PLD1: variants seen among roughly 807,000 people sequenced by gnomAD.
The protein encoded by PLD1 is choline phosphatase 1.
Under a neutral mutation model 137.1 loss-of-function variants are expected in PLD1, and 112 were observed. That is an observed-to-expected ratio of 0.82 (90% confidence interval 0.70 to 0.96). The LOEUF (loss-of-function observed/expected upper bound fraction) is 0.96. Ranked by LOEUF, PLD1 falls within the 40% of genes least tolerant of loss-of-function variation. The pLI is 0.00. For synonymous variants in PLD1, 431 were observed against 454.7 expected (o/e 0.95, Z 0.66); for missense variants, 1,321 against 1,342.0 (o/e 0.98, Z 0.24).
At chr3:171,746,632 G>T (rs1461182686) in intron 1 of PLD1, among the ~76,000 whole-genome samples, 2 of 151,674 alleles carry the variant, frequency 1.3e-5, no homozygotes, top group Non-Finnish European at 2.9e-5. Context: ...AATCTAGTGG[G>T]GACTTGGAGA....
chr3:171,621,720 A>C (rs1733648042), intron 23 of PLD1, among the ~76,000 whole-genome samples: 1 of 152,158 alleles, frequency 6.6e-6, no homozygotes, highest in Non-Finnish European at 1.5e-5. Flanking sequence ...GCATTTCTAA[A>C]ACGTTTCATG....
intron 23 of PLD1, among the ~76,000 whole-genome samples, chr3:171,639,864 A>C (rs1435806475): frequency 7.0e-6 from 1 of 142,398 alleles, no homozygotes; most frequent in Non-Finnish European, 1.5e-5. Context: ...ATATATATAT[A>C]TCTCCTATTG....
chr3:171,729,569 A>T (rs2108249782), intron 6 of PLD1, among the ~76,000 whole-genome samples: 1 of 152,332 alleles, frequency 6.6e-6, no homozygotes, highest in Middle Eastern at 3.4e-3. Context: ...AAATTATCAG[A>T]TACAAGGAAG....
At chr3:171,622,572 C>T (rs943069951) in intron 23 of PLD1, among the ~76,000 whole-genome samples, 1 of 151,788 alleles carries the variant, frequency 6.6e-6, no homozygotes, top group African/African-American at 2.4e-5. Flanking sequence ...TCAGTATCCA[C>T]TCCTGATAAA....
At chr3:171,654,108 C>T (rs1295025982) in intron 21 of PLD1, 2 of 362,274 alleles carry the variant, frequency 5.5e-6, no homozygotes, top group Non-Finnish European at 1.1e-5. Context: ...CAAAGCTAGC[C>T]TGGCCGACAT....
Position 171,662,051 on chromosome 3 carries a change from A to C in PLD1, c.2340+9T>G. The C allele has an allele frequency of 6.6e-7, 1 of 1,517,050 alleles. No homozygotes were observed. Among genetic ancestry groups the C allele is most frequent in the Non-Finnish European group, 9.1e-7 (1 of 1,093,742 alleles). 94.0% of individuals were successfully genotyped at this position (1,517,050 alleles called of 1,614,324 possible). ...GTTTCTCACACGAATTTACATGAGC[A>C]AGACTTACTTCGATATAGATATAGT... is the stretch of plus-strand genomic sequence containing the variant. On this transcript the variant is annotated intron_variant, in intron 20 of 26. Transcript: ENST00000351298.
chr3:171,671,927 C>T (rs369261678), intron 19 of PLD1, among the ~76,000 whole-genome samples: 18 of 152,050 alleles, frequency 1.2e-4, no homozygotes, highest in African/African-American at 4.3e-4. Context: ...CCAAAGTTCA[C>T]TAGCACTTCT....
At chr3:171,720,293 CAA>C (rs752618596) in intron 8 of PLD1, among the ~76,000 whole-genome samples, 54 of 67,898 alleles carry the variant, frequency 8.0e-4, no homozygotes, top group African/African-American at 2.3e-3. Flanking sequence ...GACCCTGTCT[CAA>C]AAAAAAAAAA....
intron 8 of PLD1, among the ~76,000 whole-genome samples, chr3:171,715,013 T>C (rs769250337): frequency 6.6e-5 from 10 of 152,228 alleles, no homozygotes; most frequent in Non-Finnish European, 1.0e-4. Flanking sequence ...CAAAACTAAA[T>C]TCCAAACAAA....
chr3:171,639,511 T>TAATATTATTCATATAATATATATTATATA (rs1560169736), intron 23 of PLD1, among the ~76,000 whole-genome samples: 1 of 103,052 alleles, frequency 9.7e-6, no homozygotes, highest in Non-Finnish European at 1.7e-5. Flanking sequence ...ACATAATAAA[T>TAATATTATTCATATAATATATATTATATA]AATATATATT....
In PLD1 at chr3:171,605,357, T is replaced by C; in HGVS notation, c.2942A>G (p.Lys981Arg). ...SEDIQDPVSD[K>R]FFKEVWVSTA... ...TGAAACCCACACCTCCTTGAAGAAT[T>C]TGTCACTCACTGGATCCTGAATGTC... The change falls in exon 26 of 27, where the codon AAA (lysine) becomes AGA (arginine). Residue 981 changes from lysine to arginine, a missense_variant. Transcript: ENST00000351298. 1 of 1,613,956 alleles carries C rather than the reference T, an allele frequency of 6.2e-7. No homozygotes were observed. Among genetic ancestry groups the C allele is most frequent in the South Asian group, 1.1e-5 (1 of 91,076 alleles).
chr3:171,656,175 T>G (rs1424411273), intron 21 of PLD1, among the ~76,000 whole-genome samples: 1 of 151,394 alleles, frequency 6.6e-6, no homozygotes, highest in East Asian at 1.9e-4. Context: ...TTTATTTATT[T>G]ATTTATTTAT....
At chr3:171,691,461 T>C (rs1055130595) in intron 13 of PLD1, among the ~76,000 whole-genome samples, 45 of 152,330 alleles carry the variant, frequency 3.0e-4, no homozygotes, top group African/African-American at 1.1e-3. Context: ...CTCATTTCTT[T>C]TTGTTAAATA....
At chr3:171,638,078 G>A (rs755542246) in intron 23 of PLD1, among the ~76,000 whole-genome samples, 4 of 151,758 alleles carry the variant, frequency 2.6e-5, no homozygotes, top group Non-Finnish European at 5.9e-5. Flanking sequence ...CCAGCTACTC[G>A]GGAGGCTGAG....
At chr3:171,675,058 G>C (rs1270409959) in intron 18 of PLD1, among the ~76,000 whole-genome samples, 1 of 151,448 alleles carries the variant, frequency 6.6e-6, no homozygotes, top group Non-Finnish European at 1.5e-5. Flanking sequence ...AAATGTTAAT[G>C]GTGGACATTT....
chr3:171,661,378 T>C (rs1711510207), intron 20 of PLD1, among the ~76,000 whole-genome samples: 1 of 152,216 alleles, frequency 6.6e-6, no homozygotes, highest in Non-Finnish European at 1.5e-5. Flanking sequence ...TATGATTTAT[T>C]TTTTCCATTA....
chr3:171,806,215 T>A (rs924035462), intron 1 of PLD1, among the ~76,000 whole-genome samples: 7 of 152,194 alleles, frequency 4.6e-5, no homozygotes, highest in South Asian at 4.1e-4. Flanking sequence ...GTTTGCTCAA[T>A]AAATTTAAAA....
intron 7 of PLD1, among the ~76,000 whole-genome samples, chr3:171,725,607 T>C (rs1188467929): frequency 6.6e-6 from 1 of 152,240 alleles, no homozygotes; most frequent in African/African-American, 2.4e-5. Flanking sequence ...TTATAAACTT[T>C]CATCTGGCTA....
rs1721852353 is a variant in PLD1, at chr3:171,764,965, AG to A, written c.-31-26884del. ...AAGAAAGAAAGAAAGAAAGAAAGAAAGAAAGAAAGAAAGAAAGAAAGAAAGA... is the reference window on the plus strand; with the variant it reads ...AAGAAAGAAAGAAAGAAAGAAAGAAAAAAGAAAGAAAGAAAGAAAGAAAGA... On this transcript the variant is annotated intron_variant, in intron 1 of 26. Transcript: ENST00000351298. Among the ~76,000 whole-genome samples, 2 of 70,354 alleles carry A rather than the reference AG, an allele frequency of 2.8e-5. 1 individual carries two copies. Among genetic ancestry groups the A allele is most frequent in the African/African-American group, 7.5e-5 (2 of 26,606 alleles). 46.2% of individuals were successfully genotyped at this position (70,354 alleles called of 152,430 possible).
Sources: allele counts gnomAD v4.1 joint callset (sites outside exome capture counted in the v4.1 genomes callset), GRCh38; gene constraint gnomAD v4.1.1; transcripts MANE v1.5; gene names NCBI Gene and HGNC (gene_info 2026-07-23, HGNC 2026-07-21).